The following GRAMD1B variants were observed in gnomAD, a reference collection of about 807,000 sequenced individuals.
GRAMD1B encodes the protein protein Aster-B.
GRAMD1B carries 37 observed loss-of-function variants against 99.7 expected under a neutral mutation model. That is an observed-to-expected ratio of 0.37 (90% confidence interval 0.29 to 0.49). The LOEUF (loss-of-function observed/expected upper bound fraction) is 0.49, where lower values mean the gene tolerates loss of function less well. Among genes scored for constraint, GRAMD1B ranks in the 20% least tolerant of loss-of-function variants. The pLI is 0.98. For synonymous variants in GRAMD1B, 427 were observed against 387.6 expected (o/e 1.10, Z -1.19); for missense variants, 888 against 1,009.2 (o/e 0.88, Z 1.63).
chr11:123,593,520 C>A (rs377638719), intron 4 of GRAMD1B, among the ~76,000 whole-genome samples: 1 of 152,126 alleles, frequency 6.6e-6, no homozygotes, highest in Non-Finnish European at 1.5e-5. Flanking sequence ...TTGGATGCCT[C>A]TCGTGTGCCC....
At chr11:123,577,929 G>A (rs916616608) in intron 3 of GRAMD1B, among the ~76,000 whole-genome samples, 6 of 152,038 alleles carry the variant, frequency 3.9e-5, no homozygotes, top group Non-Finnish European at 5.9e-5. Context: ...CATTATTTGG[G>A]ACATTATACT....
At position 123,513,603 on chromosome 11, in the gene GRAMD1B, T is replaced by C. The variant is rs1157055039; in HGVS notation, c.452+32710T>C. Among the ~76,000 whole-genome samples the C allele has an allele frequency of 6.4e-4, 71 of 111,364 alleles. 4 individuals are homozygous for C. The highest frequency in any genetic ancestry group is 2.5e-3 in the African/African-American group (62 of 25,296). 73.1% of individuals were successfully genotyped at this position (111,364 alleles called of 152,430 possible). The stretch of plus-strand genomic sequence containing the variant: ...TTTCCTTCCTTCCTTCCTTCCTTCC[T>C]TCCTTCCTTCCTTCCTTTCTTTCTT... On this transcript the variant is annotated intron_variant, in intron 2 of 19. Transcript: ENST00000635736.
chr11:123,476,317 T>A (rs1951271423), intron 1 of GRAMD1B, among the ~76,000 whole-genome samples: 1 of 152,150 alleles, frequency 6.6e-6, no homozygotes, highest in Admixed American at 6.5e-5. Flanking sequence ...GCCAGGCTGG[T>A]CTCGAACTCC....
intron 1 of GRAMD1B, among the ~76,000 whole-genome samples, chr11:123,417,178 T>C (rs951009836): frequency 2.0e-5 from 3 of 152,008 alleles, no homozygotes; most frequent in Admixed American, 1.3e-4. Context: ...TTCAAGACCA[T>C]TCTGGCCAAC....
chr11:123,534,549 G>A (rs1465015219), intron 2 of GRAMD1B, among the ~76,000 whole-genome samples: 3 of 152,074 alleles, frequency 2.0e-5, no homozygotes, highest in African/African-American at 7.2e-5. Flanking sequence ...CTTGGAGAAT[G>A]GAGTCCACTG....
At chr11:123,498,616 T>C (rs1051335541) in intron 2 of GRAMD1B, among the ~76,000 whole-genome samples, 9 of 152,230 alleles carry the variant, frequency 5.9e-5, no homozygotes, top group Non-Finnish European at 1.0e-4. Flanking sequence ...TATTCAGCCA[T>C]CTTGCTGTGT....
chr11:123,601,878 C>T (rs1384426464), intron 8 of GRAMD1B, among the ~76,000 whole-genome samples: 2 of 152,152 alleles, frequency 1.3e-5, no homozygotes, highest in South Asian at 2.1e-4. Context: ...TTGGGCCTGC[C>T]GAGGAGAGTC....
chr11:123,439,482 G>T (rs899601473), intron 1 of GRAMD1B, among the ~76,000 whole-genome samples: 1 of 152,184 alleles, frequency 6.6e-6, no homozygotes, highest in Non-Finnish European at 1.5e-5. Context: ...AAATGTGGCT[G>T]TGCCTTTGGT....
At chr11:123,577,342 T>C (rs1948823956) in intron 2 of GRAMD1B, 25 bp from the exon 3 acceptor site, 1 of 1,549,450 alleles carries the variant, frequency 6.5e-7, no homozygotes, top group Non-Finnish European at 8.8e-7. Context: ...TCCACCCCGC[T>C]CCCTCTCTCC....
intron 1 of GRAMD1B, among the ~76,000 whole-genome samples, chr11:123,453,381 A>T (rs1273440127): frequency 6.6e-6 from 1 of 152,110 alleles, no homozygotes; most frequent in Admixed American, 6.6e-5. Context: ...CAGTGGTGCA[A>T]TCCTGGCTCA....
At chr11:123,391,328 T>A in intron 1 of GRAMD1B, among the ~76,000 whole-genome samples, 1 of 152,218 alleles carries the variant, frequency 6.6e-6, no homozygotes, top group South Asian at 2.1e-4. Context: ...GAGTCTAATC[T>A]TCTCTTGCTT....
intron 1 of GRAMD1B, among the ~76,000 whole-genome samples, chr11:123,450,057 G>A (rs893715311): frequency 2.0e-5 from 3 of 152,220 alleles, no homozygotes; most frequent in Admixed American, 2.0e-4. Flanking sequence ...TCTCTATTCA[G>A]GGGAGCCAAA....
intron 2 of GRAMD1B, among the ~76,000 whole-genome samples, chr11:123,514,997 G>A (rs973821943): frequency 6.6e-6 from 1 of 152,146 alleles, no homozygotes; most frequent in Non-Finnish European, 1.5e-5. Flanking sequence ...AATAGGAGAG[G>A]GTAACTGCAA....
chr11:123,603,109 G>T (rs1952196009), intron 8 of GRAMD1B, among the ~76,000 whole-genome samples: 1 of 152,198 alleles, frequency 6.6e-6, no homozygotes, highest in Non-Finnish European at 1.5e-5. Context: ...CTCAGTGCTG[G>T]ACCTTTTCCA....
chr11:123,426,717 T>C (rs1045096997), upstream of GRAMD1B, among the ~76,000 whole-genome samples: 3 of 152,202 alleles, frequency 2.0e-5, no homozygotes, highest in African/African-American at 7.2e-5. Context: ...GTTCCCTGCC[T>C]TGGCATCCTG....
Position 123,492,563 on chromosome 11 carries a change from G to T in GRAMD1B, c.452+11670G>T, listed in dbSNP as rs1405522939. Among the ~76,000 whole-genome samples the T allele has an allele frequency of 1.3e-5, 2 of 152,186 alleles. No homozygotes were observed. The highest frequency in any genetic ancestry group is 2.9e-5 in the Non-Finnish European group (2 of 68,026). Reference sequence around the variant, plus strand: ...GCCCTCTTGGCCTCTGTAACTAGAAGAAGGAGATTTCCTGGAGGAGGAAGA... The same window carrying T: ...GCCCTCTTGGCCTCTGTAACTAGAATAAGGAGATTTCCTGGAGGAGGAAGA... On this transcript the variant is annotated intron_variant, in intron 2 of 19. Transcript: ENST00000635736. This position sits in a 1 kb window ranked among gnomAD's most constrained non-coding sequence, Gnocchi z 4.2.
Position 123,453,839 on chromosome 11 carries a change from G to T in GRAMD1B, c.374+22673G>T, listed in dbSNP as rs1446461793. ...GGGAGGACAAAGTAAACCCAAAGAG[G>T]GCTGAGCAATGGAGCATCTGAAGTC... On this transcript the variant is annotated intron_variant, in intron 1 of 19. Coordinates refer to ENST00000635736, the MANE Select transcript of GRAMD1B (RefSeq NM_001387025.1). Among the ~76,000 whole-genome samples the T allele has an allele frequency of 2.0e-5, 3 of 152,158 alleles. No homozygotes were observed. In the South Asian group the frequency reaches 6.2e-4, roughly 32 times the overall value.
chr11:123,421,931 A>G (rs911391581), intron 1 of GRAMD1B, among the ~76,000 whole-genome samples: 1 of 152,258 alleles, frequency 6.6e-6, no homozygotes, highest in African/African-American at 2.4e-5. Context: ...ATGAAGGATC[A>G]TGCCAGACTC....
intron 2 of GRAMD1B, among the ~76,000 whole-genome samples, chr11:123,568,432 G>A (rs1391037083): frequency 1.3e-5 from 2 of 152,216 alleles, no homozygotes; most frequent in African/African-American, 4.8e-5. Context: ...TCCTGTCCCT[G>A]AACACCTTGT....
Sources: gnomAD v4.1 joint callset for allele counts (sites outside exome capture counted in the v4.1 genomes callset) on GRCh38, gnomAD v4.1.1 for gene constraint, Gnocchi (gnomAD v3.1) non-coding constraint, MANE v1.5 for transcripts, NCBI Gene and HGNC (gene_info 2026-07-23, HGNC 2026-07-21) for gene names.